The following SEMA3C variants were observed in gnomAD, a reference collection of about 807,000 sequenced individuals.
SEMA3C encodes the protein semaphorin 3C, also known as semaphorin-3C.
Under a neutral mutation model 89.4 loss-of-function variants are expected in SEMA3C, and 47 were observed. That is an observed-to-expected ratio of 0.53 (90% confidence interval 0.42 to 0.67). The LOEUF (loss-of-function observed/expected upper bound fraction) is 0.67. Among genes scored for constraint, SEMA3C ranks in the 30% least tolerant of loss-of-function variants. The pLI is 0.00. For synonymous variants in SEMA3C, 310 were observed against 320.2 expected, an observed-to-expected ratio of 0.97 and a Z score of 0.34; for missense variants, 839 against 929.1, an observed-to-expected ratio of 0.90 and a Z score of 1.26.
rs571819403 is a variant in SEMA3C at position 80,826,889 on chromosome 7, A to G, written c.327+536T>C. On this transcript the variant is annotated intron_variant, in intron 4 of 17. Coordinates refer to ENST00000265361, the MANE Select transcript of SEMA3C (RefSeq NM_006379.5). ...ATTATTTTGAATCTCACCTAGAGGA[A>G]TACAATTTGCACAGGTATTGCATAC... Among the ~76,000 whole-genome samples, 6 of 152,274 alleles carry G rather than the reference A, an allele frequency of 3.9e-5. No homozygotes were observed. In the East Asian group the frequency reaches 7.7e-4, roughly 20 times the overall value.
intron 17 of SEMA3C, among the ~76,000 whole-genome samples, chr7:80,747,122 A>G (rs886321338): frequency 3.9e-5 from 6 of 152,120 alleles, no homozygotes; most frequent in Admixed American, 2.0e-4. Context: ...TCTGAACAAA[A>G]CAGACTTTCA....
At chr7:80,850,788 G>C (rs984754482) in intron 2 of SEMA3C, among the ~76,000 whole-genome samples, 1 of 152,164 alleles carries the variant, frequency 6.6e-6, no homozygotes, top group Non-Finnish European at 1.5e-5. Flanking sequence ...AAAAGAAAGA[G>C]TATTAAATCG....
Position 80,804,211 on chromosome 7 carries a change from A to AG in SEMA3C, c.695_696insC (p.Thr233TyrfsTer2), listed in dbSNP as rs768694528. 6.2e-7 allele frequency: 1 copy of AG among 1,610,420 alleles called. No individual in the cohort carries two copies. The highest frequency in any genetic ancestry group is 1.3e-5 in the African/African-American group (1 of 74,806). On this transcript the variant is annotated frameshift_variant, in exon 8 of 18. Transcript: ENST00000265361. LOFTEE classifies it high-confidence loss of function. ...ACACCTTAGCATCATTTGGATCAGTACCATCTGGGATGACATGTGCATCTA... is the reference window on the plus strand; with the variant it reads ...ACACCTTAGCATCATTTGGATCAGTAGCCATCTGGGATGACATGTGCATCTA...
At chr7:80,781,084 G>C (rs1788681991) in intron 12 of SEMA3C, among the ~76,000 whole-genome samples, 1 of 152,146 alleles carries the variant, frequency 6.6e-6, no homozygotes, top group African/African-American at 2.4e-5. Flanking sequence ...TCCAAAGCCA[G>C]CTAAGTCACA....
At position 80,744,955 on chromosome 7, in the gene SEMA3C, A is replaced by G. The variant is rs1169115653; in HGVS notation, c.2195T>C (p.Leu732Ser). The change falls in exon 18 of 18, where the codon TTA (leucine) becomes TCA (serine). Residue 732 changes from leucine to serine, a missense_variant. Leu to Ser is a moderately radical substitution (Grantham distance 145). Coordinates refer to ENST00000265361, the MANE Select transcript of SEMA3C (RefSeq NM_006379.5). The stretch of plus-strand genomic sequence containing the variant: ...TTTCCGACTATTGATGAGGGCCTTT[A>G]ACTTGCCATAGTCCCCTCTCATTTT... Reference protein sequence around the residue: ...SQKMRGDYGKLKALINSRKSR... With the variant: ...SQKMRGDYGKSKALINSRKSR... 1 of 1,614,098 alleles carries G rather than the reference A, an allele frequency of 6.2e-7. No individual in the cohort carries two copies. The highest frequency in any genetic ancestry group is 1.1e-5 in the South Asian group (1 of 91,090).
chr7:80,871,218 A>C (rs1400042911), intron 2 of SEMA3C, among the ~76,000 whole-genome samples: 2 of 152,212 alleles, frequency 1.3e-5, no homozygotes, highest in African/African-American at 2.4e-5. Flanking sequence ...AGCGAGTAGG[A>C]GAGTTGGTAA....
chr7:80,765,686 T>A (rs1474731911), intron 12 of SEMA3C, among the ~76,000 whole-genome samples: 1 of 152,078 alleles, frequency 6.6e-6, no homozygotes, highest in African/African-American at 2.4e-5. Flanking sequence ...AAGCGATTGT[T>A]CTGCTGCAGC....
chr7:80,901,729 T>C (rs1791885125), intron 2 of SEMA3C, among the ~76,000 whole-genome samples: 1 of 152,244 alleles, frequency 6.6e-6, no homozygotes, highest in Non-Finnish European at 1.5e-5. Flanking sequence ...AGTTGTCTAA[T>C]TTTCTTATCT....
At chr7:80,801,741 G>A (rs1347211826) in intron 9 of SEMA3C, among the ~76,000 whole-genome samples, 2 of 151,126 alleles carry the variant, frequency 1.3e-5, no homozygotes, top group Non-Finnish European at 3.0e-5. Context: ...AAAAAAAAAA[G>A]AAAGACTGAA....
At chr7:80,793,600 T>TTTCCCTACATACTCAAGA (rs1562877616) in intron 11 of SEMA3C, 1 of 380,032 alleles carries the variant, frequency 2.6e-6, no homozygotes, top group Non-Finnish European at 5.1e-6. Context: ...TTAGGATCAA[T>TTTCCCTACATACTCAAGA]TTCCCTACAT....
intron 5 of SEMA3C, among the ~76,000 whole-genome samples, chr7:80,814,007 C>A (rs1266382767): frequency 6.6e-6 from 1 of 151,890 alleles, no homozygotes; most frequent in Non-Finnish European, 1.5e-5. Context: ...TATGTTTTTA[C>A]AATGACTTAT....
intron 2 of SEMA3C, among the ~76,000 whole-genome samples, chr7:80,859,523 C>A (rs181913262): frequency 7.8e-4 from 119 of 152,284 alleles, no homozygotes; most frequent in Middle Eastern, 6.8e-3. Flanking sequence ...GTCAGGACAG[C>A]AACTAGTTCT....
At position 80,892,553 on chromosome 7, in the gene SEMA3C, A is replaced by AAAC. The variant is rs1208339310; in HGVS notation, c.103+24123_103+24125dup. 3.3e-5 allele frequency among the ~76,000 whole-genome samples: 5 copies of AAAC among 152,214 alleles called. No individual in the cohort carries two copies. In the South Asian group the frequency reaches 1.0e-3, roughly 32 times the overall value. ...TTTGAAACCAAAAGAAAATTTAAAA[A>AAAC]AACAACAACAACAACAATGTAGAGT... On this transcript the variant is annotated intron_variant, in intron 2 of 17. Coordinates refer to ENST00000265361, the MANE Select transcript of SEMA3C (RefSeq NM_006379.5).
intron 2 of SEMA3C, among the ~76,000 whole-genome samples, chr7:80,855,677 A>G (rs1014429318): frequency 6.6e-6 from 1 of 152,184 alleles, no homozygotes; most frequent in Non-Finnish European, 1.5e-5. Flanking sequence ...GTCTGAGTTC[A>G]GAATCTCTCT....
intron 2 of SEMA3C, among the ~76,000 whole-genome samples, chr7:80,901,919 A>T (rs1791889716): frequency 6.6e-6 from 1 of 152,184 alleles, no homozygotes; most frequent in Non-Finnish European, 1.5e-5. Context: ...GCTGTTGATA[A>T]AGGCCATGTA....
chr7:80,881,554 A>C (rs971725003), intron 2 of SEMA3C, among the ~76,000 whole-genome samples: 7 of 152,142 alleles, frequency 4.6e-5, no homozygotes, highest in Non-Finnish European at 7.4e-5. Flanking sequence ...TACATGTGTA[A>C]GTGATTAGGA....
chr7:80,809,620 C>T (rs771849154), intron 6 of SEMA3C, among the ~76,000 whole-genome samples: 1 of 152,144 alleles, frequency 6.6e-6, no homozygotes, highest in Non-Finnish European at 1.5e-5. Context: ...GCCATTCAAA[C>T]AGGTGTGAGG....
At chr7:80,782,546 A>C (rs1343331588) in intron 12 of SEMA3C, among the ~76,000 whole-genome samples, 8 of 152,250 alleles carry the variant, frequency 5.3e-5, no homozygotes, top group Non-Finnish European at 1.0e-4. Context: ...ATGAGGTAAA[A>C]ATGTGAAGAG....
At chr7:80,774,706 A>G (rs1788507501) in intron 12 of SEMA3C, among the ~76,000 whole-genome samples, 1 of 152,148 alleles carries the variant, frequency 6.6e-6, no homozygotes, top group Admixed American at 6.6e-5. Context: ...GAAGAAGGTG[A>G]ACAGACCCTC....
Sources: gnomAD v4.1 joint callset for allele counts (sites outside exome capture counted in the v4.1 genomes callset) on GRCh38, gnomAD v4.1.1 for gene constraint, MANE v1.5 for transcripts, NCBI Gene and HGNC (gene_info 2026-07-23, HGNC 2026-07-21) for gene names.